ACSM1: variants seen among roughly 807,000 people sequenced by gnomAD.
ACSM1 encodes acyl-CoA synthetase medium chain family member 1.
In ACSM1, 79 loss-of-function variants were observed where a neutral mutation model predicts 75.8. That is an observed-to-expected ratio of 1.04 (90% CI 0.87 to 1.26). The LOEUF (loss-of-function observed/expected upper bound fraction) is 1.26. Ranked by LOEUF, ACSM1 falls within the 50% of genes most tolerant of loss-of-function variation. ACSM1 has a pLI of 0.00. For synonymous variants in ACSM1, 279 were observed against 265.8 expected (o/e 1.05, Z -0.48); for missense variants, 676 against 720.1 (o/e 0.94, Z 0.70).
intron 13 of ACSM1, among the ~76,000 whole-genome samples, chr16:20,623,824 G>A (rs2016753041): frequency 6.6e-6 from 1 of 152,220 alleles, no homozygotes; most frequent in Admixed American, 6.5e-5. Flanking sequence ...AGAGTTGGGA[G>A]CCATTGAGAC....
At chr16:20,655,005 C>T (rs1431428042) in intron 7 of ACSM1, among the ~76,000 whole-genome samples, 1 of 151,920 alleles carries the variant, frequency 6.6e-6, no homozygotes, top group Admixed American at 6.6e-5. Context: ...ACCCAAATGT[C>T]CAAAAATGAT....
chr16:20,681,875 C>T (rs2079453234), intron 4 of ACSM1: 2 of 166,052 alleles, frequency 1.2e-5, no homozygotes, highest in Non-Finnish European at 1.3e-5. Flanking sequence ...CCTTATCTCT[C>T]CCTTTCCCAG....
chr16:20,671,435 C>T, intron 5 of ACSM1, 96 bp downstream of exon 5: 1 of 1,265,392 alleles, frequency 7.9e-7, no homozygotes, highest in South Asian at 1.8e-5. Context: ...CAGTTCCTTT[C>T]CCAAGACACA....
At chr16:20,693,028 G>A (rs991756009) in intron 1 of ACSM1, among the ~76,000 whole-genome samples, 32 of 152,118 alleles carry the variant, frequency 2.1e-4, no homozygotes, top group African/African-American at 7.0e-4. Context: ...AAATTAGCCA[G>A]GCATGGAAGT....
chr16:20,638,123 G>A (rs1386484565), intron 8 of ACSM1, among the ~76,000 whole-genome samples: 7 of 152,066 alleles, frequency 4.6e-5, no homozygotes, highest in Non-Finnish European at 7.3e-5. Context: ...CTGTAGCTGC[G>A]TGCTTTACAT....
intron 6 of ACSM1, among the ~76,000 whole-genome samples, chr16:20,669,269 A>G (rs557577777): frequency 6.6e-6 from 1 of 152,116 alleles, no homozygotes; most frequent in Non-Finnish European, 1.5e-5. Flanking sequence ...TCTCATTAAT[A>G]TTACCTAAGA....
chr16:20,649,740 T>C (rs2018546891), intron 7 of ACSM1, among the ~76,000 whole-genome samples: 1 of 152,158 alleles, frequency 6.6e-6, no homozygotes, highest in African/African-American at 2.4e-5. Flanking sequence ...TGTCCTGCCT[T>C]TCTGAACCAA....
At chr16:20,681,803 AAGAG>A (rs1197998459) in intron 4 of ACSM1, 1 of 155,738 alleles carries the variant, frequency 6.4e-6, no homozygotes, top group Admixed American at 6.2e-5. Flanking sequence ...CCTCCTGAGG[AAGAG>A]AAAGAGGTGG....
At chr16:20,659,200 T>C (rs554390496) in intron 7 of ACSM1, among the ~76,000 whole-genome samples, 1 of 152,024 alleles carries the variant, frequency 6.6e-6, no homozygotes, top group South Asian at 2.1e-4. Context: ...TTCCCCCCAT[T>C]ATCCAAAACG....
At chr16:20,642,953 A>G (rs148323218) in intron 7 of ACSM1, among the ~76,000 whole-genome samples, 31 of 152,366 alleles carry the variant, frequency 2.0e-4, no homozygotes, top group African/African-American at 7.2e-4. Flanking sequence ...CCATGACCCT[A>G]TAACACTCAA....
In ACSM1 at chr16:20,666,061, C is replaced by T. The variant is rs541678910; in HGVS notation, c.912+3766G>A. Among the ~76,000 whole-genome samples, 474 of 152,014 alleles carry T rather than the reference C, an allele frequency of 3.1e-3. 1 individual carries two copies. The highest frequency in any genetic ancestry group is 0.011 in the African/African-American group (446 of 41,462). On this transcript the variant is annotated intron_variant, in intron 6 of 13. Transcript: ENST00000520010. ...GCAAAAGCTGGAACCATTTCCCATGCGAATTGGAAAAAGTGTAGGATGCCC... is the reference window on the plus strand; with the variant it reads ...GCAAAAGCTGGAACCATTTCCCATGTGAATTGGAAAAAGTGTAGGATGCCC...
At chr16:20,671,443 A>T in intron 5 of ACSM1, 88 bp downstream of exon 5, 5 of 495,036 alleles carry the variant, frequency 1.0e-5, no homozygotes, top group Non-Finnish European at 1.3e-5. Context: ...TTCCCAAGAC[A>T]CACACACACA....
chr16:20,650,358 G>A (rs2018580625), intron 7 of ACSM1, among the ~76,000 whole-genome samples: 2 of 152,070 alleles, frequency 1.3e-5, no homozygotes. Flanking sequence ...AGTCAAAAAG[G>A]TGCCCCTGGG....
intron 10 of ACSM1, 136 bp from the exon 11 acceptor site, chr16:20,627,452 T>C: frequency 1.0e-6 from 1 of 985,424 alleles, no homozygotes; most frequent in Non-Finnish European, 1.4e-6. Context: ...CATTTCTGAG[T>C]CTATTTTCAT....
intron 4 of ACSM1, among the ~76,000 whole-genome samples, chr16:20,677,280 AACTAACTAAG>A (rs1356368900): frequency 3.3e-5 from 5 of 151,902 alleles, no homozygotes; most frequent in African/African-American, 9.7e-5. Flanking sequence ...TGCCAGATCT[AACTAACTAAG>A]CTTATCTTCT....
chr16:20,637,591 A>G lies in ACSM1; in HGVS notation c.1117-140T>C, dbSNP rs905831883. The G allele has an allele frequency of 1.2e-5, 9 of 750,692 alleles. No homozygotes were observed. In the South Asian group the frequency reaches 1.4e-4, roughly 12 times the overall value. The allele number at this position is 750,692 out of a possible 1,614,324, so 46.5% of individuals were successfully genotyped here. ...TGCTGCCCAAAGAGCCCTCGTAGGG[A>G]AGCTGGAAGGCCTTAGTCTAGGCTC... is the stretch of plus-strand genomic sequence containing the variant. On this transcript the variant is annotated intron_variant, in intron 8 of 13. Transcript: ENST00000520010.
intron 10 of ACSM1, among the ~76,000 whole-genome samples, chr16:20,627,885 T>C (rs1396606336): frequency 0.025 from 490 of 19,682 alleles, 16 homozygotes; most frequent in South Asian, 0.075. Context: ...TATATATATA[T>C]ATATATATAT....
Position 20,623,544 on chromosome 16 carries a change from G to T in ACSM1, c.1676C>A (p.Thr559Asn), listed in dbSNP as rs750256616. ...CTTCCGTTCAATCTTGCCAGTGATGGTTTTTGGCAGCTCTGAGACAAACTC... is the reference window on the plus strand; with the variant it reads ...CTTCCGTTCAATCTTGCCAGTGATGTTTTTTGGCAGCTCTGAGACAAACTC... Reference protein sequence around the residue: ...KVEFVSELPKTITGKIERKEL... With the variant: ...KVEFVSELPKNITGKIERKEL... The change falls in exon 14 of 14, where the codon ACC (threonine) becomes AAC (asparagine). Residue 559 changes from threonine (T) to asparagine (N), a missense_variant. Transcript: ENST00000520010. The T allele has an allele frequency of 1.3e-5, 21 of 1,614,120 alleles. No individual in the cohort carries two copies. The South Asian group carries it at 2.2e-4, about 17-fold the overall frequency.
At chr16:20,662,159 A>C (rs970446826) in intron 6 of ACSM1, among the ~76,000 whole-genome samples, 1 of 152,178 alleles carries the variant, frequency 6.6e-6, no homozygotes, top group Admixed American at 6.6e-5. Context: ...TGTCATAAGA[A>C]ATACTTGAAG....
Sources: allele counts gnomAD v4.1 joint callset (sites outside exome capture counted in the v4.1 genomes callset), GRCh38; gene constraint gnomAD v4.1.1; transcripts MANE v1.5; gene names NCBI Gene and HGNC (gene_info 2026-07-23, HGNC 2026-07-21).